The following CENPF variants were observed in gnomAD, a reference collection of about 807,000 sequenced individuals.
CENPF encodes the protein AH antigen.
CENPF carries 214 observed loss-of-function variants against 307.3 expected under a neutral mutation model. That is an observed-to-expected ratio of 0.70 (90% confidence interval 0.62 to 0.78). CENPF has a LOEUF of 0.78. Ranked by LOEUF, CENPF falls within the 30% of genes least tolerant of loss-of-function variation. CENPF has a pLI of 0.00. For synonymous variants in CENPF, 1,259 were observed against 1,270.6 expected (o/e 0.99, Z 0.19); for missense variants, 3,401 against 3,483.9 (o/e 0.98, Z 0.60).
In CENPF at chr1:214,641,989, A is replaced by G. The variant is rs375228091; in HGVS notation, c.3651A>G (p.Leu1217=). Residue 1217 remains leucine, a synonymous_variant, in exon 12 of 20, where the codon CTA becomes CTG. Coordinates refer to ENST00000366955, the MANE Select transcript of CENPF (RefSeq NM_016343.4). ...NAQLVQLEAM[L]RNKELKLQES... Reference sequence around the variant, plus strand: ...AGTTGGTGCAATTAGAAGCTATGCTAAGAAATAAGGAATTAAAACTTCAGG... The same window carrying G: ...AGTTGGTGCAATTAGAAGCTATGCTGAGAAATAAGGAATTAAAACTTCAGG... 2.8e-5 allele frequency: 45 copies of G among 1,608,270 alleles called. No homozygotes were observed. The highest frequency in any genetic ancestry group is 3.6e-5 in the Non-Finnish European group (43 of 1,178,672).
At chr1:214,609,224 C>G (rs907581016) in intron 1 of CENPF, among the ~76,000 whole-genome samples, 2 of 152,210 alleles carry the variant, frequency 1.3e-5, no homozygotes, top group Non-Finnish European at 2.9e-5. Context: ...CTTTGAATCT[C>G]TAAGGTTGTA....
At chr1:214,611,419 G>C (rs764121647) in intron 1 of CENPF, among the ~76,000 whole-genome samples, 1 of 151,910 alleles carries the variant, frequency 6.6e-6, no homozygotes, top group Non-Finnish European at 1.5e-5. Flanking sequence ...AGGATGGAGT[G>C]CAGTGGTGCG....
In CENPF at chr1:214,659,714, G is replaced by A. The variant is rs551363444; in HGVS notation, c.9141+686G>A. On this transcript the variant is annotated intron_variant, in intron 19 of 19. Coordinates refer to ENST00000366955, the MANE Select transcript of CENPF (RefSeq NM_016343.4). This position sits in a 1 kb window ranked among gnomAD's most constrained non-coding sequence, Gnocchi z 4.4. ...TTTCTCATTTTATTGAACTCTCACAGTAAGTGGTATTATAAAAGAGTGAAG... is the reference window on the plus strand; with the variant it reads ...TTTCTCATTTTATTGAACTCTCACAATAAGTGGTATTATAAAAGAGTGAAG... Among the ~76,000 whole-genome samples the A allele has an allele frequency of 5.9e-5, 9 of 152,178 alleles. No homozygotes were observed. Among genetic ancestry groups the A allele is most frequent in the Non-Finnish European group, 1.0e-4 (7 of 68,038 alleles).
At chr1:214,606,959 C>T (rs367929885) in intron 1 of CENPF, among the ~76,000 whole-genome samples, 6 of 152,206 alleles carry the variant, frequency 3.9e-5, no homozygotes, top group Non-Finnish European at 5.9e-5. Context: ...GGCAGGTGTG[C>T]GTCCCCTCTG....
chr1:214,658,637 A>G (rs150060549), intron 18 of CENPF, among the ~76,000 whole-genome samples: 1 of 152,176 alleles, frequency 6.6e-6, no homozygotes, highest in African/African-American at 2.4e-5. Flanking sequence ...GTTGTTTTCT[A>G]TGTTTCTAAT....
rs758999196 is a variant in CENPF, at chr1:214,642,066, G to A, written c.3728G>A (p.Gly1243Glu). ...CLQHELQTIR[G>E]DLETSNLQDM... ...CAGCATGAATTACAGACAATTAGAG[G>A]AGATCTTGAAACCAGCAATTTGCAA... The change falls in exon 12 of 20, where the codon GGA (glycine) becomes GAA (glutamate). Residue 1243 changes from glycine to glutamate, a missense_variant. Gly to Glu is a moderately conservative substitution (Grantham distance 98). Coordinates refer to ENST00000366955, the MANE Select transcript of CENPF (RefSeq NM_016343.4). 6.2e-6 allele frequency: 10 copies of A among 1,611,094 alleles called. No homozygotes were observed. In the African/African-American group the frequency reaches 1.3e-4, roughly 22 times the overall value.
At chr1:214,633,443 G>C (rs1165551310) in intron 10 of CENPF, among the ~76,000 whole-genome samples, 1 of 152,194 alleles carries the variant, frequency 6.6e-6, no homozygotes, top group African/African-American at 2.4e-5. Flanking sequence ...AACAACACAA[G>C]AATGGTAGAA....
At position 214,616,831 on chromosome 1, in the gene CENPF, CTTCCTCTTTCTTTCTTTCTTTCTTTCT is replaced by C. The variant is rs1175061467; in HGVS notation, c.360-1738_360-1712del. 5.2e-4 allele frequency among the ~76,000 whole-genome samples: 75 copies of C among 145,414 alleles called. 1 individual carries two copies. Among genetic ancestry groups the C allele is most frequent in the African/African-American group, 1.8e-3 (69 of 38,336 alleles). ...CTTTCCTTCCTTCCTTCTTTCCTTC[CTTCCTCTTTCTTTCTTTCTTTCTTTCT>C]TTCTTTCTTTCTTTCTTTCTTTCTT... On this transcript the variant is annotated intron_variant, in intron 3 of 19. Coordinates refer to ENST00000366955, the MANE Select transcript of CENPF (RefSeq NM_016343.4).
chr1:214,641,139 A>C lies in CENPF; in HGVS notation c.2801A>C (p.Asn934Thr). 6.3e-7 allele frequency: 1 copy of C among 1,584,038 alleles called. No homozygotes were observed. ...QAEIQELKKS[N>T]HLLEDSLKEL... ...GAGATTCAAGAATTAAAAAAGAGCAACCATCTACTTGAAGACTCTCTAAAG... is the reference window on the plus strand; with the variant it reads ...GAGATTCAAGAATTAAAAAAGAGCACCCATCTACTTGAAGACTCTCTAAAG... Residue 934 changes from asparagine (N) to threonine (T), a missense_variant, in exon 12 of 20, where the codon AAC (asparagine) becomes ACC (threonine). Transcript: ENST00000366955.
chr1:214,607,875 C>A (rs1245657184), intron 1 of CENPF, among the ~76,000 whole-genome samples: 1 of 152,190 alleles, frequency 6.6e-6, no homozygotes, highest in African/African-American at 2.4e-5. Flanking sequence ...CCAAGCTCCG[C>A]AGCCACAGGG....
chr1:214,645,938 A>G lies in CENPF; in HGVS notation c.6368A>G (p.Lys2123Arg), dbSNP rs1427353340. 2 of 1,614,022 alleles carry G rather than the reference A, an allele frequency of 1.2e-6. No individual in the cohort carries two copies. Among genetic ancestry groups the G allele is most frequent in the African/African-American group, 2.7e-5 (2 of 74,938 alleles). Residue 2123 changes from lysine (K) to arginine (R), a missense_variant, in exon 13 of 20, where the codon AAA becomes AGA. By Grantham distance (26) the Lys-to-Arg change is conservative (BLOSUM62 2). Coordinates refer to ENST00000366955, the MANE Select transcript of CENPF (RefSeq NM_016343.4). Reference protein sequence around the residue: ...EVHQLRRGIEKLRVRIEADEK... With the variant: ...EVHQLRRGIERLRVRIEADEK... ...CATCAGCTGAGAAGAGGCATCGAGAAACTGAGAGTTCGCATTGAGGCCGAT... is the reference window on the plus strand; with the variant it reads ...CATCAGCTGAGAAGAGGCATCGAGAGACTGAGAGTTCGCATTGAGGCCGAT...
At chr1:214,630,442 T>C in intron 8 of CENPF, 92 bp from the exon 9 acceptor site, 2 of 1,484,406 alleles carry the variant, frequency 1.3e-6, no homozygotes, top group Non-Finnish European at 1.8e-6. Flanking sequence ...CTGTGCTCTC[T>C]GTGCAGTCGC....
Position 214,638,095 on chromosome 1 carries a change from A to AT in CENPF, c.1582+102dup, listed in dbSNP as rs922601011. The AT allele has an allele frequency of 5.0e-5, 63 of 1,250,632 alleles. 1 individual carries two copies. Among genetic ancestry groups the AT allele is most frequent in the Middle Eastern group, 4.9e-4 (2 of 4,074 alleles). 77.5% of individuals were successfully genotyped at this position (1,250,632 alleles called of 1,614,324 possible). A position where few individuals can be genotyped will look rare whatever the true frequency, so the allele number is the denominator to read the frequency against. ...TTAACATATTAGAGAAACTCTTTGG[A>AT]TTTTTTTTCATATATTCCCTCAAAA... On this transcript the variant is annotated intron_variant, in intron 11 of 19. Coordinates refer to ENST00000366955, the MANE Select transcript of CENPF (RefSeq NM_016343.4).
rs143725699 is a variant in CENPF, at chr1:214,644,948, G to A, written c.5378G>A (p.Arg1793His). ...AGATTACTTCATGTGATAGAGGACCGTGACAGAAAAGTTGAAAGTTTGCTA... is the reference window on the plus strand; with the variant it reads ...AGATTACTTCATGTGATAGAGGACCATGACAGAAAAGTTGAAAGTTTGCTA... ...NLRLLHVIED[R>H]DRKVESLLNE... is the part of the protein sequence containing the mutation. The change falls in exon 13 of 20, where the codon CGT (arginine) becomes CAT (histidine). Residue 1793 changes from arginine (R) to histidine (H), a missense_variant. By Grantham distance (29) the Arg-to-His change is conservative. Transcript: ENST00000366955. The A allele has an allele frequency of 3.0e-3, 4,834 of 1,613,010 alleles. 8 individuals carry two copies. Among genetic ancestry groups the A allele is most frequent in the Middle Eastern group, 4.0e-3 (24 of 6,058 alleles).
chr1:214,654,633 G>A (rs1658581536), intron 16 of CENPF, among the ~76,000 whole-genome samples: 3 of 151,894 alleles, frequency 2.0e-5, no homozygotes, highest in Non-Finnish European at 2.9e-5. Context: ...GTTGGGTTTT[G>A]CCTCTAAATC....
chr1:214,650,358 G>A (rs144324161), intron 14 of CENPF, among the ~76,000 whole-genome samples: 4 of 151,930 alleles, frequency 2.6e-5, no homozygotes, highest in African/African-American at 9.7e-5. Context: ...GGGTATGGAG[G>A]GGGTGGGAAA....
At chr1:214,660,605 T>A (rs892808488) in intron 19 of CENPF, among the ~76,000 whole-genome samples, 3 of 152,218 alleles carry the variant, frequency 2.0e-5, no homozygotes, top group Non-Finnish European at 4.4e-5. Flanking sequence ...AGGGTCCCGA[T>A]ATGGGCCATA....
chr1:214,643,327 A>G lies in CENPF; in HGVS notation c.4986+3A>G. ...TGCTTGGCATCGACACAGAAGATGTAAGTACCTGGGATTTAAATGCCATTT... is the reference window on the plus strand; with the variant it reads ...TGCTTGGCATCGACACAGAAGATGTGAGTACCTGGGATTTAAATGCCATTT... On this transcript the variant is annotated splice_donor_region_variant and intron_variant, in intron 12 of 19. Transcript: ENST00000366955. The G allele has an allele frequency of 1.4e-6, 2 of 1,477,326 alleles. No homozygotes were observed. Among genetic ancestry groups the G allele is most frequent in the Non-Finnish European group, 1.8e-6 (2 of 1,115,720 alleles). 91.5% of individuals were successfully genotyped at this position (1,477,326 alleles called of 1,614,324 possible).
intron 1 of CENPF, chr1:214,605,952 G>C (rs1359324872): frequency 6.3e-7 from 1 of 1,597,190 alleles, no homozygotes; most frequent in South Asian, 1.1e-5. Context: ...AAGGCGACGC[G>C]CATGCCCGAG....
Sources: allele counts gnomAD v4.1 joint callset (sites outside exome capture counted in the v4.1 genomes callset), GRCh38; gene constraint gnomAD v4.1.1; non-coding constraint Gnocchi (gnomAD v3.1); transcripts MANE v1.5; gene names NCBI Gene and HGNC (gene_info 2026-07-23, HGNC 2026-07-21).